Variants in KCNK5 observed in about 807,000 individuals in gnomAD.
KCNK5 encodes potassium two pore domain channel subfamily K member 5, also known as potassium channel subfamily K member 5.
In KCNK5, 18 loss-of-function variants were observed where a neutral mutation model predicts 32.9. The observed-to-expected ratio is 0.55, with a 90% CI of 0.38 to 0.81. The LOEUF (loss-of-function observed/expected upper bound fraction) is 0.81, where lower values mean the gene tolerates loss of function less well. Among genes scored for constraint, KCNK5 ranks in the 30% least tolerant of loss-of-function variants. The pLI, the probability that KCNK5 is intolerant of heterozygous loss-of-function variation, is 0.00. For missense variants in KCNK5, 507 were observed against 651.0 expected, an observed-to-expected ratio of 0.78 and a Z score of 2.41; for synonymous variants, 276 against 275.3, an observed-to-expected ratio of 1.00 and a Z score of -0.03.
intron 1 of KCNK5, among the ~76,000 whole-genome samples, chr6:39,214,255 A>G (rs1771392027): frequency 6.6e-6 from 1 of 152,152 alleles, no homozygotes; most frequent in Admixed American, 6.5e-5. Flanking sequence ...GGGTTTAGAT[A>G]GACATGCTCC....
intron 1 of KCNK5, among the ~76,000 whole-genome samples, chr6:39,217,921 C>T (rs1312946704): frequency 1.3e-5 from 2 of 152,138 alleles, no homozygotes; most frequent in African/African-American, 2.4e-5. Context: ...TGCCTCTTAT[C>T]TGGAAAACTA....
chr6:39,229,465 T>G lies in KCNK5; in HGVS notation c.-354A>C. 2.5e-5 allele frequency: 6 copies of G among 240,004 alleles called. No individual in the cohort carries two copies. The highest frequency in any genetic ancestry group is 5.1e-5 in the Admixed American group (1 of 19,462). 14.9% of individuals were successfully genotyped at this position (240,004 alleles called of 1,614,324 possible). On this transcript the variant is annotated 5_prime_UTR_variant, in exon 1 of 5. Coordinates refer to ENST00000359534, the MANE Select transcript of KCNK5 (RefSeq NM_003740.4). ...CACGCGTCGCTCCTCCGCGCGCCAC[T>G]AGCAGTATGCGCCGCGCCCGCCTCC...
rs80206984 is a variant in KCNK5, at chr6:39,194,575, C to T, written c.465+19G>A. 3.7e-3 allele frequency: 5,991 copies of T among 1,613,172 alleles called. 205 individuals are homozygous for T. In the African/African-American group the frequency reaches 0.067, roughly 18 times the overall value. ...ATGGTTCCCCCATCTCTGCCCAACACCCAGGGTAGGGGACATACCAGACTC... is the reference window on the plus strand; with the variant it reads ...ATGGTTCCCCCATCTCTGCCCAACATCCAGGGTAGGGGACATACCAGACTC... On this transcript the variant is annotated intron_variant, in intron 3 of 4. Coordinates refer to ENST00000359534, the MANE Select transcript of KCNK5 (RefSeq NM_003740.4). This position sits in a 1 kb window ranked among gnomAD's most constrained non-coding sequence, Gnocchi z 4.7.
In KCNK5 at chr6:39,191,492, T is replaced by G. The variant is rs1462899186; in HGVS notation, c.898A>C (p.Thr300Pro). 1 of 1,613,834 alleles carries G rather than the reference T, an allele frequency of 6.2e-7. No individual in the cohort carries two copies. Residue 300 changes from threonine (T) to proline (P), a missense_variant, in exon 5 of 5, where the codon ACC becomes CCC. Physicochemically the swap from Thr to Pro is conservative, Grantham distance 38. This residue lies in a region of KCNK5 where 3 missense variants were observed against 18.5 expected (regional missense o/e 0.16). Transcript: ENST00000359534. The surrounding 1 kb of genome is among the most constrained non-coding windows in gnomAD (Gnocchi z 5.8). Reference protein sequence around the residue: ...IFSFLSKKEETYNDLIKQIGK... With the variant: ...IFSFLSKKEEPYNDLIKQIGK... The stretch of plus-strand genomic sequence containing the variant: ...ATCTGCTTGATGAGGTCGTTGTAGG[T>G]CTCTTCCTTCTTGGAAAGAAAGCTG...
chr6:39,211,920 T>C (rs1016537168), intron 1 of KCNK5, among the ~76,000 whole-genome samples: 1 of 151,822 alleles, frequency 6.6e-6, no homozygotes, highest in African/African-American at 2.4e-5. Flanking sequence ...GCTGAGATCG[T>C]ACCATTGCAT....
rs1295489664 is a variant in KCNK5, at chr6:39,195,918, G to C, written c.256C>G (p.Pro86Ala). Residue 86 changes from proline (P) to alanine (A), a missense_variant, in exon 2 of 5, where the codon CCC (proline) becomes GCC (alanine). Transcript: ENST00000359534. ...GTCGCTGCAAAAATCATTGCATTGG[G>C]CCAGTTCCAGTTGTTGAAGGTCTGG... ...GNQTFNNWNW[P>A]NAMIFAATVI... The C allele has an allele frequency of 1.2e-6, 2 of 1,613,786 alleles. No homozygotes were observed. The highest frequency in any genetic ancestry group is 3.3e-5 in the Admixed American group (2 of 59,990).
intron 1 of KCNK5, among the ~76,000 whole-genome samples, chr6:39,216,545 T>C (rs1771442171): frequency 6.6e-6 from 1 of 152,180 alleles, no homozygotes; most frequent in South Asian, 2.1e-4. Flanking sequence ...CAGCCTCTAC[T>C]GCAGCTGCAG....
intron 1 of KCNK5, among the ~76,000 whole-genome samples, chr6:39,225,842 G>A (rs9471012): frequency 0.13 from 19,288 of 152,150 alleles, 1,528 homozygotes; most frequent in East Asian, 0.36. Context: ...TGTGCCTCCT[G>A]TGGTGTCCCT....
In KCNK5 at chr6:39,229,344, C is replaced by T. The variant is rs1454552416; in HGVS notation, c.-233G>A. ...ACTCACGCGGCCCGGGGTGGGCGAA[C>T]ACCAGCGGGGCTGAAAGGGCGCCCT... On this transcript the variant is annotated 5_prime_UTR_variant, in exon 1 of 5. Coordinates refer to ENST00000359534, the MANE Select transcript of KCNK5 (RefSeq NM_003740.4). 2 of 575,800 alleles carry T rather than the reference C, an allele frequency of 3.5e-6. No individual in the cohort carries two copies. The highest frequency in any genetic ancestry group is 3.1e-5 in the Admixed American group (1 of 32,752). The allele number at this position is 575,800 out of a possible 1,614,324, so 35.7% of individuals were successfully genotyped here. A position where few individuals can be genotyped will look rare whatever the true frequency, so the allele number is the denominator to read the frequency against.
chr6:39,214,951 A>C (rs1464692391), intron 1 of KCNK5, among the ~76,000 whole-genome samples: 1 of 152,222 alleles, frequency 6.6e-6, no homozygotes, highest in African/African-American at 2.4e-5. Flanking sequence ...CACAACCCTT[A>C]ATCCAGCACT....
chr6:39,214,427 A>G (rs1408641232), intron 1 of KCNK5, among the ~76,000 whole-genome samples: 1 of 152,074 alleles, frequency 6.6e-6, no homozygotes, highest in African/African-American at 2.4e-5. Flanking sequence ...CCGGCAGGAC[A>G]CCCACTGCAG....
At position 39,229,200 on chromosome 6, in the gene KCNK5, T is replaced by C. The variant is rs1771726590; in HGVS notation, c.-89A>G. On this transcript the variant is annotated 5_prime_UTR_variant, in exon 1 of 5. Transcript: ENST00000359534. ...GCCCTCCAGCCTCTGAAAACAGCTG[T>C]TTGAATTTGGAGCTCCGCATGCGCA... 1.5e-6 allele frequency: 2 copies of C among 1,374,484 alleles called. No homozygotes were observed. Among genetic ancestry groups the C allele is most frequent in the Non-Finnish European group, 2.0e-6 (2 of 999,562 alleles). The allele number at this position is 1,374,484 out of a possible 1,614,324, so 85.1% of individuals were successfully genotyped here.
At chr6:39,214,275 G>A (rs192464235) in intron 1 of KCNK5, among the ~76,000 whole-genome samples, 1 of 152,304 alleles carries the variant, frequency 6.6e-6, no homozygotes, top group East Asian at 1.9e-4. Context: ...CCAGAGTGAT[G>A]CTGACACATG....
At chr6:39,196,758 G>C (rs576310282) in intron 1 of KCNK5, among the ~76,000 whole-genome samples, 2 of 152,316 alleles carry the variant, frequency 1.3e-5, no homozygotes, top group African/African-American at 4.8e-5. Context: ...ACAGATCAGA[G>C]GGTGAGTACA....
Position 39,191,407 on chromosome 6 carries a change from C to G in KCNK5, c.983G>C (p.Gly328Ala), listed in dbSNP as rs1220265479. 1 of 1,613,330 alleles carries G rather than the reference C, an allele frequency of 6.2e-7. No individual in the cohort carries two copies. The highest frequency in any genetic ancestry group is 8.5e-7 in the Non-Finnish European group (1 of 1,179,992). ...TGCTGGGAGCCCACCGCCTTGAGGCCCCAGCCCTGGGCCCGGGCCCGTCTC... is the reference window on the plus strand; with the variant it reads ...TGCTGGGAGCCCACCGCCTTGAGGCGCCAGCCCTGGGCCCGGGCCCGTCTC... ...GGETGPGPGL[G>A]PQGGGLPALP... Residue 328 changes from glycine (G) to alanine (A), a missense_variant, in exon 5 of 5, where the codon GGG (glycine) becomes GCG (alanine). Physicochemically the swap from Gly to Ala is moderately conservative, Grantham distance 60 (BLOSUM62 0). Around this residue, in one of 6 missense-constraint regions of KCNK5, gnomAD observed 252 missense variants for 250.8 expected, o/e 1.00. Transcript: ENST00000359534. This position sits in a 1 kb window ranked among gnomAD's most constrained non-coding sequence, Gnocchi z 5.8.
chr6:39,224,105 A>C (rs1013695927), intron 1 of KCNK5, among the ~76,000 whole-genome samples: 1 of 127,826 alleles, frequency 7.8e-6, no homozygotes, highest in Admixed American at 8.3e-5. Context: ...TTTTTTGGCT[A>C]CCCTCAACTT....
intron 2 of KCNK5, among the ~76,000 whole-genome samples, chr6:39,195,084 G>A (rs1771006261): frequency 6.7e-6 from 1 of 150,232 alleles, no homozygotes; most frequent in Admixed American, 6.6e-5. Flanking sequence ...CAGAAGCACT[G>A]TGGTAGATGG....
chr6:39,221,591 CCTT>C (rs544231784), intron 1 of KCNK5, among the ~76,000 whole-genome samples: 2 of 152,176 alleles, frequency 1.3e-5, no homozygotes, highest in South Asian at 4.1e-4. Flanking sequence ...TCCAAGCCTG[CCTT>C]CTTCTAAGCG....
intron 4 of KCNK5, among the ~76,000 whole-genome samples, chr6:39,192,880 G>A (rs1431851123): frequency 6.6e-6 from 1 of 152,160 alleles, no homozygotes; most frequent in Non-Finnish European, 1.5e-5. Context: ...TGGAGGAAGG[G>A]GGCTACCTCT....
Sources: allele counts gnomAD v4.1 joint callset (sites outside exome capture counted in the v4.1 genomes callset), GRCh38; gene constraint gnomAD v4.1.1; regional missense constraint gnomAD v4.1.1; non-coding constraint Gnocchi (gnomAD v3.1); transcripts MANE v1.5; gene names NCBI Gene and HGNC (gene_info 2026-07-23, HGNC 2026-07-21).